Variants in ERBB4 observed in about 807,000 individuals in gnomAD.
ERBB4 encodes the protein receptor tyrosine-protein kinase erbB-4.
ERBB4 carries 42 observed loss-of-function variants against 158.0 expected under a neutral mutation model. The observed-to-expected ratio is 0.27, with a 90% confidence interval of 0.21 to 0.34. The LOEUF is 0.34. Ranked by LOEUF, ERBB4 falls within the 10% of genes least tolerant of loss-of-function variation. The pLI, the probability that ERBB4 is intolerant of heterozygous loss-of-function variation, is 1.00. For missense variants in ERBB4, 1,333 were observed against 1,624.1 expected (o/e 0.82, Z 3.08); for synonymous variants, 583 against 558.7 (o/e 1.04, Z -0.61).
chr2:211,426,599 T>A (rs2125417328), intron 22 of ERBB4, among the ~76,000 whole-genome samples: 1 of 152,154 alleles, frequency 6.6e-6, no homozygotes, highest in South Asian at 2.1e-4. Flanking sequence ...GTAACAAGAT[T>A]TTCCCCAAAA....
intron 1 of ERBB4, among the ~76,000 whole-genome samples, chr2:212,332,062 C>T (rs116392561): frequency 0.016 from 2,412 of 151,906 alleles, 52 homozygotes; most frequent in African/African-American, 0.055. Flanking sequence ...AGTAGTGATA[C>T]GGTTTGGCTG....
chr2:212,532,461 G>C (rs1042983001), intron 1 of ERBB4, among the ~76,000 whole-genome samples: 1 of 150,374 alleles, frequency 6.7e-6, no homozygotes, highest in Non-Finnish European at 1.5e-5. Flanking sequence ...ACAAAAAAGA[G>C]GTCCACTTAC....
At chr2:212,118,289 T>C (rs2079632658) in intron 2 of ERBB4, among the ~76,000 whole-genome samples, 1 of 152,208 alleles carries the variant, frequency 6.6e-6, no homozygotes, top group South Asian at 2.1e-4. Flanking sequence ...GGTTACTTGT[T>C]GCAACTTGAA....
chr2:212,145,989 G>T, intron 1 of ERBB4, among the ~76,000 whole-genome samples: 1 of 152,126 alleles, frequency 6.6e-6, no homozygotes, highest in African/African-American at 2.4e-5. Context: ...GCCCAAAGGG[G>T]ATAGTCTACT....
chr2:211,765,649 A>G (rs929231791), intron 4 of ERBB4, among the ~76,000 whole-genome samples: 75 of 152,202 alleles, frequency 4.9e-4, no homozygotes, highest in African/African-American at 2.4e-5. Context: ...ACCCTTAGAC[A>G]TTTGTTTATT....
At chr2:212,191,545 G>GTGTTATACA (rs1553587922) in intron 1 of ERBB4, among the ~76,000 whole-genome samples, 1 of 20,332 alleles carries the variant, frequency 4.9e-5, no homozygotes, top group Admixed American at 6.1e-4. Context: ...TATAACACAT[G>GTGTTATACA]TGTTATGCCT....
At chr2:212,246,088 C>T (rs1056866243) in intron 1 of ERBB4, among the ~76,000 whole-genome samples, 2 of 152,118 alleles carry the variant, frequency 1.3e-5, no homozygotes, top group African/African-American at 4.8e-5. Flanking sequence ...GTGCTGTCTC[C>T]AAGAGCTCTG....
chr2:211,429,019 T>C (rs1405909088), intron 21 of ERBB4, among the ~76,000 whole-genome samples: 2 of 136,154 alleles, frequency 1.5e-5, no homozygotes, highest in Admixed American at 6.9e-5. Flanking sequence ...GTCATACTTA[T>C]TTTTTTAAAA....
chr2:212,157,745 G>A (rs1440614866), intron 1 of ERBB4, among the ~76,000 whole-genome samples: 1 of 152,040 alleles, frequency 6.6e-6, no homozygotes, highest in Admixed American at 6.6e-5. Context: ...ACTTTGTTTA[G>A]TGCCTGGCAC....
chr2:211,738,065 T>C (rs576275988), intron 5 of ERBB4, among the ~76,000 whole-genome samples: 1 of 152,160 alleles, frequency 6.6e-6, no homozygotes, highest in South Asian at 2.1e-4. Flanking sequence ...TTCAAGAAAA[T>C]GCATATTTTT....
At chr2:211,798,149 C>G (rs1053403755) in intron 3 of ERBB4, among the ~76,000 whole-genome samples, 2 of 151,924 alleles carry the variant, frequency 1.3e-5, no homozygotes, top group African/African-American at 4.8e-5. Context: ...TCATTCCAGT[C>G]AATACTGCAT....
At position 211,424,168 on chromosome 2, in the gene ERBB4, C is replaced by A. The variant is rs1483476866; in HGVS notation, c.2853G>T (p.Met951Ile). ...QPPICTIDVY[M>I]VMVKCWMIDA... ...TTGCAGTCTTACATTTGACCATGAC[C>A]ATGTAAACGTCAATAGTGCAGATGG... Residue 951 changes from methionine (M) to isoleucine (I), a missense_variant, in exon 23 of 28, where the codon ATG becomes ATT. This residue lies in a region of ERBB4 where 314 missense variants were observed against 437.6 expected (regional missense o/e 0.72). Coordinates refer to ENST00000342788, the MANE Select transcript of ERBB4 (RefSeq NM_005235.3). 1 of 1,613,108 alleles carries A rather than the reference C, an allele frequency of 6.2e-7. No individual in the cohort carries two copies. Among genetic ancestry groups the A allele is most frequent in the Non-Finnish European group, 8.5e-7 (1 of 1,179,338 alleles).
intron 20 of ERBB4, among the ~76,000 whole-genome samples, chr2:211,477,309 CT>C (rs1195996663): frequency 1.7e-4 from 24 of 145,042 alleles, no homozygotes; most frequent in African/African-American, 6.6e-4. Flanking sequence ...CTCTCTCTCT[CT>C]CTTTCTCTCT....
At chr2:212,055,700 G>C (rs1453061912) in intron 2 of ERBB4, among the ~76,000 whole-genome samples, 1 of 152,242 alleles carries the variant, frequency 6.6e-6, no homozygotes, top group Non-Finnish European at 1.5e-5. Flanking sequence ...AACTCCAAAA[G>C]ACCTGCAGCT....
At chr2:212,414,852 T>A (rs768969315) in intron 1 of ERBB4, among the ~76,000 whole-genome samples, 1 of 152,086 alleles carries the variant, frequency 6.6e-6, no homozygotes, top group Non-Finnish European at 1.5e-5. Context: ...ATGATGTAGT[T>A]GTTGTCACAA....
Position 211,712,116 on chromosome 2 carries a change from A to T in ERBB4, c.1058T>A (p.Ile353Asn). Residue 353 changes from isoleucine to asparagine, a missense_variant, in exon 9 of 28, where the codon ATT (isoleucine) becomes AAT (asparagine). Around this residue, in one of 5 missense-constraint regions of ERBB4, gnomAD observed 438 missense variants for 586.9 expected, o/e 0.75. Transcript: ENST00000342788. ...CTTGGTACAGTTTATGAATTTGTCA[A>T]TGTTACTGGAATCCACAGTCTGAGC... ...MSAQTVDSSN[I>N]DKFINCTKIN... 6.2e-7 allele frequency: 1 copy of T among 1,612,644 alleles called. No homozygotes were observed. Among genetic ancestry groups the T allele is most frequent in the Non-Finnish European group, 8.5e-7 (1 of 1,178,676 alleles).
At chr2:211,687,882 G>A (rs530800539) in intron 12 of ERBB4, among the ~76,000 whole-genome samples, 9 of 152,222 alleles carry the variant, frequency 5.9e-5, no homozygotes, top group Non-Finnish European at 1.0e-4. Context: ...TTAGCGGGAG[G>A]AAAAGGTAAA....
chr2:212,183,277 C>T (rs2081927199), intron 1 of ERBB4, among the ~76,000 whole-genome samples: 1 of 151,960 alleles, frequency 6.6e-6, no homozygotes, highest in Non-Finnish European at 1.5e-5. Context: ...TGCAATTTTA[C>T]TATCATAAAA....
intron 2 of ERBB4, among the ~76,000 whole-genome samples, chr2:212,051,516 T>A (rs548816724): frequency 6.6e-6 from 1 of 152,194 alleles, no homozygotes; most frequent in South Asian, 2.1e-4. Flanking sequence ...ATTGATGTTA[T>A]GTTTCCTTAC....
Sources: gnomAD v4.1 joint callset for allele counts (sites outside exome capture counted in the v4.1 genomes callset) on GRCh38, gnomAD v4.1.1 for gene constraint, gnomAD v4.1.1 regional missense constraint, MANE v1.5 for transcripts, NCBI Gene and HGNC (gene_info 2026-07-23, HGNC 2026-07-21) for gene names.